Variants in IMMP2L observed in about 807,000 individuals in gnomAD.
The protein encoded by IMMP2L is inner mitochondrial membrane peptidase subunit 2.
In IMMP2L, 18 loss-of-function variants were observed where a neutral mutation model predicts 19.3. The observed-to-expected ratio is 0.93, with a 90% CI of 0.64 to 1.38. The LOEUF is 1.38. IMMP2L is among the 40% of genes most tolerant of loss of function. The pLI, the probability that IMMP2L is intolerant of heterozygous loss-of-function variation, is 0.00. For synonymous variants in IMMP2L, 76 were observed against 73.0 expected (o/e 1.04, Z -0.21); for missense variants, 233 against 218.2 (o/e 1.07, Z -0.43).
chr7:110,757,614 A>G lies in IMMP2L; in HGVS notation c.409-93893T>C, dbSNP rs1185394015. On this transcript the variant is annotated intron_variant, in intron 5 of 5. Coordinates refer to ENST00000405709, the MANE Select transcript of IMMP2L (RefSeq NM_032549.4). This position sits in a 1 kb window ranked among gnomAD's most constrained non-coding sequence, Gnocchi z 4.2. ...TTTCTCAAGGGAGGCCTGTCTACCCATATCTCATATACCGGGTTCTATAAG... is the reference window on the plus strand; with the variant it reads ...TTTCTCAAGGGAGGCCTGTCTACCCGTATCTCATATACCGGGTTCTATAAG... Among the ~76,000 whole-genome samples the G allele has an allele frequency of 6.6e-6, 1 of 152,078 alleles. No individual in the cohort carries two copies. The highest frequency in any genetic ancestry group is 1.5e-5 in the Non-Finnish European group (1 of 68,018).
intron 5 of IMMP2L, among the ~76,000 whole-genome samples, chr7:110,677,442 C>A (rs554570317): frequency 2.6e-5 from 4 of 152,232 alleles, no homozygotes; most frequent in African/African-American, 9.6e-5. Context: ...AGACTAGGTT[C>A]GTACAGAGAA....
chr7:110,976,822 C>A (rs369273279), intron 3 of IMMP2L, among the ~76,000 whole-genome samples: 2 of 151,816 alleles, frequency 1.3e-5, no homozygotes, highest in African/African-American at 2.4e-5. Flanking sequence ...TCAATAAAGA[C>A]CCAGCCTTAA....
intron 4 of IMMP2L, among the ~76,000 whole-genome samples, chr7:110,938,696 C>T (rs1242738855): frequency 6.6e-6 from 1 of 151,956 alleles, no homozygotes; most frequent in Non-Finnish European, 1.5e-5. Flanking sequence ...GCAATATATC[C>T]ATGTAACAAA....
chr7:111,562,049 G>C lies in IMMP2L; in HGVS notation c.-201C>G, dbSNP rs1316287604. On this transcript the variant is annotated 5_prime_UTR_variant, in exon 1 of 6. Coordinates refer to ENST00000405709, the MANE Select transcript of IMMP2L (RefSeq NM_032549.4). Reference sequence around the variant, plus strand: ...CGCGCCCCCACAGCGCTCCCTCACGGCCAGAGCCGGGGGCCGGACTAGGCC... The same window carrying C: ...CGCGCCCCCACAGCGCTCCCTCACGCCCAGAGCCGGGGGCCGGACTAGGCC... 6.6e-6 allele frequency: 1 copy of C among 152,426 alleles called. No individual in the cohort carries two copies. The highest frequency in any genetic ancestry group is 1.5e-5 in the Non-Finnish European group (1 of 68,144). 9.4% of individuals were successfully genotyped at this position (152,426 alleles called of 1,614,324 possible).
At chr7:111,282,356 T>TC (rs1819985417) in intron 3 of IMMP2L, among the ~76,000 whole-genome samples, 1 of 151,986 alleles carries the variant, frequency 6.6e-6, no homozygotes, top group South Asian at 2.1e-4. Context: ...AAGGGAAGAG[T>TC]ATGGTATTTG....
intron 3 of IMMP2L, among the ~76,000 whole-genome samples, chr7:111,183,341 T>A (rs1807921369): frequency 6.6e-6 from 1 of 152,104 alleles, no homozygotes. Context: ...TAGTTCTGAT[T>A]ACAAAACAAA....
chr7:110,826,426 T>C (rs1310091893), intron 5 of IMMP2L, among the ~76,000 whole-genome samples: 1 of 152,096 alleles, frequency 6.6e-6, no homozygotes, highest in Non-Finnish European at 1.5e-5. Flanking sequence ...AGCAAAGACT[T>C]GGAACCAACC....
chr7:110,706,432 A>G (rs982211813), intron 5 of IMMP2L, among the ~76,000 whole-genome samples: 8 of 152,168 alleles, frequency 5.3e-5, no homozygotes, highest in African/African-American at 1.9e-4. Flanking sequence ...AGAAATATCC[A>G]AACTGCTTTC....
chr7:111,192,022 A>G (rs1327958286), intron 3 of IMMP2L, among the ~76,000 whole-genome samples: 1 of 152,034 alleles, frequency 6.6e-6, no homozygotes, highest in African/African-American at 2.4e-5. Flanking sequence ...GAGCAAACAG[A>G]AGTCGCACTG....
At chr7:111,530,014 A>G (rs1179861621) in intron 1 of IMMP2L, among the ~76,000 whole-genome samples, 1 of 152,164 alleles carries the variant, frequency 6.6e-6, no homozygotes, top group Non-Finnish European at 1.5e-5. Flanking sequence ...ATTCAGTGGA[A>G]AAGCAGGCCC....
At chr7:110,860,869 C>T (rs1177992190) in intron 5 of IMMP2L, among the ~76,000 whole-genome samples, 1 of 151,952 alleles carries the variant, frequency 6.6e-6, no homozygotes, top group East Asian at 1.9e-4. Flanking sequence ...AAAGTCAGGG[C>T]AATCCTTTCA....
intron 4 of IMMP2L, among the ~76,000 whole-genome samples, chr7:110,910,170 C>G (rs1440471813): frequency 1.3e-5 from 2 of 152,060 alleles, no homozygotes; most frequent in Non-Finnish European, 2.9e-5. Context: ...GCGTGAAATA[C>G]TAAGGGAAAT....
chr7:110,783,183 G>T (rs1799855421), intron 5 of IMMP2L, among the ~76,000 whole-genome samples: 1 of 151,790 alleles, frequency 6.6e-6, no homozygotes, highest in South Asian at 2.1e-4. Flanking sequence ...TAGGGAAAAT[G>T]ATAGCATGCT....
intron 5 of IMMP2L, among the ~76,000 whole-genome samples, chr7:110,881,069 TA>T (rs948310755): frequency 3.9e-5 from 6 of 152,126 alleles, no homozygotes; most frequent in African/African-American, 1.4e-4. Flanking sequence ...AAATCATATA[TA>T]TTTTTTTCAT....
chr7:111,328,608 ACGT>A (rs1230673906), intron 3 of IMMP2L, among the ~76,000 whole-genome samples: 1 of 151,894 alleles, frequency 6.6e-6, no homozygotes, highest in African/African-American at 2.4e-5. Flanking sequence ...GAGGTGTGTT[ACGT>A]CTTAGAGTAG....
intron 4 of IMMP2L, among the ~76,000 whole-genome samples, chr7:110,956,278 G>A (rs1344999382): frequency 6.6e-6 from 1 of 151,918 alleles, no homozygotes; most frequent in Non-Finnish European, 1.5e-5. Flanking sequence ...CTCTATTTCC[G>A]ATTAGTCTGC....
At position 111,217,126 on chromosome 7, in the gene IMMP2L, T is replaced by TCACACACA. The variant is rs1315821493; in HGVS notation, c.240-253569_240-253562dup. Among the ~76,000 whole-genome samples the TCACACACA allele has an allele frequency of 6.2e-3, 770 of 124,032 alleles. 12 individuals are homozygous for TCACACACA. The highest frequency in any genetic ancestry group is 0.022 in the African/African-American group (706 of 31,790). 81.4% of individuals were successfully genotyped at this position (124,032 alleles called of 152,430 possible). On this transcript the variant is annotated intron_variant, in intron 3 of 5. Coordinates refer to ENST00000405709, the MANE Select transcript of IMMP2L (RefSeq NM_032549.4). ...CTCTCTCTCTCTCTCTCTCTCTCTC[T>TCACACACA]CACACACACACACACACACACACAC... is the stretch of plus-strand genomic sequence containing the variant.
chr7:110,754,041 A>C, intron 5 of IMMP2L, among the ~76,000 whole-genome samples: 1 of 151,862 alleles, frequency 6.6e-6, no homozygotes, highest in East Asian at 1.9e-4. Context: ...CATTTATTTC[A>C]CTATCAAAGA....
intron 3 of IMMP2L, among the ~76,000 whole-genome samples, chr7:111,041,494 C>T (rs1174411601): frequency 1.3e-5 from 2 of 151,476 alleles, no homozygotes; most frequent in Non-Finnish European, 2.9e-5. Flanking sequence ...TTCTTTTAAC[C>T]ACTCAGGGGC....
Sources: gnomAD v4.1 joint callset for allele counts (sites outside exome capture counted in the v4.1 genomes callset) on GRCh38, gnomAD v4.1.1 for gene constraint, Gnocchi (gnomAD v3.1) non-coding constraint, MANE v1.5 for transcripts, NCBI Gene and HGNC (gene_info 2026-07-23, HGNC 2026-07-21) for gene names.